Variants in ZNF860 observed in about 807,000 individuals in gnomAD.
ZNF860 encodes the protein zinc finger protein 860.
For missense variants in ZNF860, 641 were observed against 759.2 expected (o/e 0.84, Z 1.83); for synonymous variants, 206 against 248.9 (o/e 0.83, Z 1.62).
chr3:31,984,438 G>T (rs760757783), intron 1 of ZNF860, among the ~76,000 whole-genome samples: 4 of 151,866 alleles, frequency 2.6e-5, no homozygotes, highest in Non-Finnish European at 5.9e-5. Flanking sequence ...ATAGAGAGTC[G>T]AAGTTTGTCT....
chr3:31,999,474 C>T, the ZNF860 span, among the ~76,000 whole-genome samples: 4 of 150,884 alleles, frequency 2.7e-5, no homozygotes, highest in Admixed American at 1.3e-4. Context: ...GATTCTTCTG[C>T]CTCAGCCTCC....
chr3:32,003,962 TG>T, the ZNF860 span, among the ~76,000 whole-genome samples: 1 of 152,082 alleles, frequency 6.6e-6, no homozygotes, highest in Admixed American at 6.5e-5. Flanking sequence ...AAACAACAGC[TG>T]GATTTGGGAA....
chr3:32,002,491 A>C, the ZNF860 span, among the ~76,000 whole-genome samples: 1 of 152,242 alleles, frequency 6.6e-6, no homozygotes, highest in Non-Finnish European at 1.5e-5. Flanking sequence ...ACTATGAAGC[A>C]GACCCAGGAA....
chr3:32,000,946 G>A, the ZNF860 span, among the ~76,000 whole-genome samples: 1 of 152,208 alleles, frequency 6.6e-6, no homozygotes, highest in East Asian at 1.9e-4. Flanking sequence ...AGAAAAGACT[G>A]TCCTTAACCT....
chr3:31,990,289 C>A lies in ZNF860; in HGVS notation c.1210C>A (p.His404Asn), dbSNP rs1447070652. 1.2e-6 allele frequency: 2 copies of A among 1,613,818 alleles called. No homozygotes were observed. The highest frequency in any genetic ancestry group is 1.3e-5 in the African/African-American group (1 of 74,838). The change falls in exon 2 of 2, where the codon CAC becomes AAC. Residue 404 changes from histidine (H) to asparagine (N), a missense_variant. Physicochemically the swap from His to Asn is moderately conservative, Grantham distance 68. Transcript: ENST00000360311. ...IGKLYKCNDC[H>N]KVFSNATTIA... The stretch of plus-strand genomic sequence containing the variant: ...GAAACTTTATAAATGTAATGATTGT[C>A]ACAAAGTCTTCAGTAATGCTACAAC...
At chr3:32,001,738 TA>T in the ZNF860 span, among the ~76,000 whole-genome samples, 92 of 143,986 alleles carry the variant, frequency 6.4e-4, no homozygotes, top group East Asian at 9.9e-4. Context: ...ATATCAAGTG[TA>T]AAAAAAAAAA....
rs541667987 is a variant in ZNF860, at chr3:31,989,872, A to G, written c.793A>G (p.Lys265Glu). The G allele has an allele frequency of 1.5e-5, 24 of 1,614,184 alleles. 2 individuals are homozygous for G. The South Asian group carries it at 2.6e-4, about 18-fold the overall frequency. Reference sequence around the variant, plus strand: ...ACAATATAAATGTGATGTATGTGGCAAGGTCTTTAATCAGAAGCGATACCT... The same window carrying G: ...ACAATATAAATGTGATGTATGTGGCGAGGTCTTTAATCAGAAGCGATACCT... ...GKQYKCDVCG[K>E]VFNQKRYLAC... Residue 265 changes from lysine (K) to glutamate (E), a missense_variant, in exon 2 of 2, where the codon AAG becomes GAG. Coordinates refer to ENST00000360311, the MANE Select transcript of ZNF860 (RefSeq NM_001137674.3).
In ZNF860 at chr3:31,990,882, A is replaced by T. The variant is rs778736145; in HGVS notation, c.1803A>T (p.Lys601Asn). ...EKHHKCDDCG[K>N]AFTSHSHRIR... ...ATCACAAGTGTGATGATTGTGGCAA[A>T]GCCTTTACTTCACATTCACATCGCA... Residue 601 changes from lysine (K) to asparagine (N), a missense_variant, in exon 2 of 2, where the codon AAA becomes AAT. Coordinates refer to ENST00000360311, the MANE Select transcript of ZNF860 (RefSeq NM_001137674.3). 1.3e-6 allele frequency: 2 copies of T among 1,575,966 alleles called. No individual in the cohort carries two copies. Among genetic ancestry groups the T allele is most frequent in the African/African-American group, 2.7e-5 (2 of 73,844 alleles).
At position 31,988,942 on chromosome 3, in the gene ZNF860, T is replaced by G; in HGVS notation, c.-138T>G. 75 of 1,127,076 alleles carry G rather than the reference T, an allele frequency of 6.7e-5. No individual in the cohort carries two copies. Among genetic ancestry groups the G allele is most frequent in the Middle Eastern group, 3.0e-4 (1 of 3,280 alleles). The allele number at this position is 1,127,076 out of a possible 1,614,324, so 69.8% of individuals were successfully genotyped here. A position where few individuals can be genotyped will look rare whatever the true frequency, so the allele number is the denominator to read the frequency against. On this transcript the variant is annotated 5_prime_UTR_variant, in exon 2 of 2. Transcript: ENST00000360311. Reference sequence around the variant, plus strand: ...TCCAAACCCCGACCCACAGCGACTGTGAGATAATCAGTGTTTGTTGCCTTA... The same window carrying G: ...TCCAAACCCCGACCCACAGCGACTGGGAGATAATCAGTGTTTGTTGCCTTA...
At chr3:32,000,204 C>T in the ZNF860 span, among the ~76,000 whole-genome samples, 9 of 152,118 alleles carry the variant, frequency 5.9e-5, no homozygotes. Context: ...GCCCTGCTCT[C>T]GCCACATAAT....
rs200532369 is a variant in ZNF860, at chr3:31,990,953, A to G, written c.1874A>G (p.His625Arg). The G allele has an allele frequency of 1.5e-4, 233 of 1,575,124 alleles. No homozygotes were observed. Among genetic ancestry groups the G allele is most frequent in the Non-Finnish European group, 1.9e-4 (221 of 1,159,378 alleles). Residue 625 changes from histidine (H) to arginine (R), a missense_variant, in exon 2 of 2, where the codon CAT becomes CGT. Physicochemically the swap from His to Arg is conservative, Grantham distance 29. Coordinates refer to ENST00000360311, the MANE Select transcript of ZNF860 (RefSeq NM_001137674.3). ...IHTGQKSYKC[H>R]KRGKVFS ...ACCGGACAGAAATCTTACAAATGTC[A>G]TAAGCGTGGCAAGGTCTTCAGTTAG... is the stretch of plus-strand genomic sequence containing the variant.
At chr3:31,997,095 G>A in the ZNF860 span, among the ~76,000 whole-genome samples, 1 of 152,074 alleles carries the variant, frequency 6.6e-6, no homozygotes, top group Admixed American at 6.6e-5. Context: ...ATCATCATAT[G>A]CTTAAATTTA....
chr3:31,988,027 G>A (rs1698960200), intron 1 of ZNF860, among the ~76,000 whole-genome samples: 2 of 152,228 alleles, frequency 1.3e-5, no homozygotes, highest in African/African-American at 4.8e-5. Flanking sequence ...AAGAACCCCA[G>A]AGAAGTATTC....
chr3:32,001,296 G>T, the ZNF860 span, among the ~76,000 whole-genome samples: 1 of 152,230 alleles, frequency 6.6e-6, no homozygotes. Context: ...ACTCTATAAG[G>T]CTGGGCTCTA....
the ZNF860 span, among the ~76,000 whole-genome samples, chr3:31,997,092 T>G: frequency 6.6e-6 from 1 of 152,200 alleles, no homozygotes; most frequent in Non-Finnish European, 1.5e-5. Flanking sequence ...GAGATCATCA[T>G]ATGCTTAAAT....
the ZNF860 span, among the ~76,000 whole-genome samples, chr3:31,997,730 C>T: frequency 6.6e-5 from 10 of 151,964 alleles, no homozygotes; most frequent in African/African-American, 2.4e-4. Flanking sequence ...GAGTTAGTGC[C>T]TCTTCCTTGT....
intron 1 of ZNF860, among the ~76,000 whole-genome samples, chr3:31,985,349 T>C (rs1016956582): frequency 7.2e-5 from 11 of 152,206 alleles, no homozygotes; most frequent in African/African-American, 2.7e-4. Context: ...ATTTTAAACG[T>C]AAATAGAATG....
the ZNF860 span, among the ~76,000 whole-genome samples, chr3:32,006,131 G>A: frequency 6.6e-6 from 1 of 151,778 alleles, no homozygotes; most frequent in African/African-American, 2.4e-5. Flanking sequence ...TTTTAATAGA[G>A]ACGGGGGTTT....
In ZNF860 at chr3:31,989,445, T is replaced by C. The variant is rs1698991945; in HGVS notation, c.366T>C (p.Asn122=). The part of the protein sequence containing the change: ...FEFQWQEDKR[N]SHEATMTQIK... Reference sequence around the variant, plus strand: ...TTCAATGGCAAGAAGACAAAAGAAATAGCCATGAAGCAACTATGACACAAA... The same window carrying C: ...TTCAATGGCAAGAAGACAAAAGAAACAGCCATGAAGCAACTATGACACAAA... The change falls in exon 2 of 2, where the codon AAT becomes AAC. Residue 122 remains asparagine, a synonymous_variant. Coordinates refer to ENST00000360311, the MANE Select transcript of ZNF860 (RefSeq NM_001137674.3). 1 of 1,613,946 alleles carries C rather than the reference T, an allele frequency of 6.2e-7. No homozygotes were observed. Among genetic ancestry groups the C allele is most frequent in the African/African-American group, 1.3e-5 (1 of 74,880 alleles).
Sources: allele counts gnomAD v4.1 joint callset (sites outside exome capture counted in the v4.1 genomes callset), GRCh38; gene constraint gnomAD v4.1.1; transcripts MANE v1.5; gene names NCBI Gene and HGNC (gene_info 2026-07-23, HGNC 2026-07-21).